NXPE1: variants seen among roughly 807,000 people sequenced by gnomAD.
NXPE1 encodes NXPE family member 1.
A neutral mutation model predicts 33.3 loss-of-function variants in NXPE1; 31 were observed. The observed-to-expected ratio is 0.93, with a 90% CI of 0.70 to 1.26. NXPE1 has a LOEUF of 1.26. Ranked by LOEUF, NXPE1 falls within the 50% of genes most tolerant of loss-of-function variation. NXPE1 has a pLI of 0.00. For missense variants in NXPE1, 661 were observed against 655.6 expected, an observed-to-expected ratio of 1.01 and a Z score of -0.09; for synonymous variants, 229 against 231.4, an observed-to-expected ratio of 0.99 and a Z score of 0.09.
At chr11:114,532,682 T>C (rs1243112835) in intron 5 of NXPE1, among the ~76,000 whole-genome samples, 1 of 152,160 alleles carries the variant, frequency 6.6e-6, no homozygotes, top group African/African-American at 2.4e-5. Context: ...TTCATGGAGA[T>C]GACTTTTAAA....
At chr11:114,557,422 T>G (rs1202748319) in intron 1 of NXPE1, among the ~76,000 whole-genome samples, 5 of 151,886 alleles carry the variant, frequency 3.3e-5, no homozygotes, top group African/African-American at 1.2e-4. Flanking sequence ...TTTCACATTT[T>G]CTTGCTATAG....
chr11:114,533,434 G>A (rs1206170587), intron 5 of NXPE1, among the ~76,000 whole-genome samples: 1 of 152,194 alleles, frequency 6.6e-6, no homozygotes, highest in Non-Finnish European at 1.5e-5. Context: ...GCCGGACAGT[G>A]GGTGCAGGAC....
intron 5 of NXPE1, among the ~76,000 whole-genome samples, chr11:114,531,988 C>A (rs1947602698): frequency 6.6e-6 from 1 of 152,122 alleles, no homozygotes. Context: ...ATTATGTTGT[C>A]CAGGAGTATG....
chr11:114,519,230 T>A (rs561119289), downstream of NXPE1, among the ~76,000 whole-genome samples: 126 of 152,288 alleles, frequency 8.3e-4, no homozygotes, highest in African/African-American at 2.9e-3. Context: ...TTCCCCCCGT[T>A]TGGCAAAAAG....
intron 5 of NXPE1, among the ~76,000 whole-genome samples, chr11:114,546,998 A>G (rs114654234): frequency 0.014 from 2,081 of 152,336 alleles, 51 homozygotes; most frequent in African/African-American, 0.048. Flanking sequence ...AAGGGATAAT[A>G]GACAAATCTC....
Position 114,543,064 on chromosome 11 carries a change from G to A in NXPE1, c.99+8039C>T, listed in dbSNP as rs143822209. Among the ~76,000 whole-genome samples, 834 of 152,240 alleles carry A rather than the reference G, an allele frequency of 5.5e-3. 11 individuals are homozygous for A. Among genetic ancestry groups the A allele is most frequent in the African/African-American group, 0.018 (758 of 41,552 alleles). On this transcript the variant is annotated intron_variant, in intron 5 of 8. Coordinates refer to ENST00000534921, the Ensembl canonical transcript of NXPE1. ...GAGGCCAGGAGTTTGAGACCAGCCT[G>A]GGCAAATATGGCAAGACTGTCTCTA...
At chr11:114,525,773 A>C (rs1322550812) in intron 7 of NXPE1, among the ~76,000 whole-genome samples, 1 of 152,122 alleles carries the variant, frequency 6.6e-6, no homozygotes, top group Non-Finnish European at 1.5e-5. Flanking sequence ...CCATTTAGTG[A>C]AGTGTATATT....
chr11:114,521,648 A>C lies in NXPE1; in HGVS notation c.*320T>G, dbSNP rs996760836. The C allele has an allele frequency of 4.5e-5, 11 of 243,632 alleles. No individual in the cohort carries two copies. In the Admixed American group the frequency reaches 4.6e-4, roughly 10 times the overall value. 15.1% of individuals were successfully genotyped at this position (243,632 alleles called of 1,614,324 possible). ...GCCTTTTCAATAGACAGAGCTAGGA[A>C]ATATCTATATTGGAAATAGAAAGCA... On this transcript the variant is annotated 3_prime_UTR_variant, in exon 9 of 9. Transcript: ENST00000534921.
chr11:114,536,058 A>G (rs1947809727), intron 5 of NXPE1, among the ~76,000 whole-genome samples: 2 of 152,226 alleles, frequency 1.3e-5, no homozygotes, highest in South Asian at 4.1e-4. Context: ...CAAATGTAAA[A>G]GAACAGAAAT....
intron 5 of NXPE1, among the ~76,000 whole-genome samples, chr11:114,532,809 G>A (rs1947634643): frequency 6.6e-6 from 1 of 152,062 alleles, no homozygotes; most frequent in African/African-American, 2.4e-5. Flanking sequence ...TTGATTATGG[G>A]TGAATTCAGG....
chr11:114,522,445 A>T, exon 9 of NXPE1: 2 of 1,613,130 alleles, frequency 1.2e-6, no homozygotes, highest in Non-Finnish European at 1.7e-6. Context: ...GTCTTTCTGC[A>T]TCCAGAAGCA....
In NXPE1 at chr11:114,530,042, A is replaced by G. The variant is rs1395260211; in HGVS notation, c.833+133T>C. On this transcript the variant is annotated intron_variant, in intron 6 of 8. Coordinates refer to ENST00000534921, the Ensembl canonical transcript of NXPE1. Reference sequence around the variant, plus strand: ...GCCTAGAGTGGTGAGTAGAGGCCCCAAGAAGACACCACATGTCTTACCTTG... The same window carrying G: ...GCCTAGAGTGGTGAGTAGAGGCCCCGAGAAGACACCACATGTCTTACCTTG... 1.7e-5 allele frequency: 16 copies of G among 925,090 alleles called. No homozygotes were observed. In the East Asian group the frequency reaches 3.2e-4, roughly 18 times the overall value. The allele number at this position is 925,090 out of a possible 1,614,324, so 57.3% of individuals were successfully genotyped here.
intron 4 of NXPE1, 79 bp downstream of exon 4, chr11:114,551,304 A>G (rs1386877068): frequency 2.2e-6 from 3 of 1,362,098 alleles, no homozygotes; most frequent in African/African-American, 1.5e-5. Context: ...TGCCTCCAAC[A>G]TTTTGTTCTC....
chr11:114,527,678 T>C (rs981754015), intron 7 of NXPE1, among the ~76,000 whole-genome samples, 162 bp downstream of exon 7: 16 of 152,216 alleles, frequency 1.1e-4, no homozygotes, highest in African/African-American at 3.6e-4. Flanking sequence ...ATAAACATTT[T>C]GAAATCATTT....
intron 5 of NXPE1, among the ~76,000 whole-genome samples, chr11:114,538,985 G>A (rs916218916): frequency 8.1e-5 from 12 of 148,892 alleles, no homozygotes; most frequent in Admixed American, 6.8e-5. Context: ...ACATGCACAC[G>A]TGTGTTTATT....
chr11:114,544,957 A>T (rs961468954), intron 5 of NXPE1, among the ~76,000 whole-genome samples: 8 of 152,182 alleles, frequency 5.3e-5, no homozygotes, highest in Non-Finnish European at 8.8e-5. Context: ...CTAAATATAT[A>T]AAAAAGACAC....
At chr11:114,522,990 C>T (rs554549274) in exon 8 of NXPE1, 14 of 1,613,702 alleles carry the variant, frequency 8.7e-6, no homozygotes, top group African/African-American at 6.7e-5. Flanking sequence ...TCTAACTGAA[C>T]CTGGTTGCAA....
chr11:114,519,802 A>G (rs1232024463), downstream of NXPE1, among the ~76,000 whole-genome samples: 1 of 152,154 alleles, frequency 6.6e-6, no homozygotes, highest in African/African-American at 2.4e-5. Flanking sequence ...TTTAAGGTAT[A>G]CAGTGTGATG....
chr11:114,540,688 T>C (rs141057664), intron 5 of NXPE1, among the ~76,000 whole-genome samples: 1 of 152,098 alleles, frequency 6.6e-6, no homozygotes, highest in Non-Finnish European at 1.5e-5. Context: ...ACCTGAAGGC[T>C]AAAGACAGTG....
Sources: gnomAD v4.1 joint callset for allele counts (sites outside exome capture counted in the v4.1 genomes callset) on GRCh38, gnomAD v4.1.1 for gene constraint, MANE v1.5 for transcripts, NCBI Gene and HGNC (gene_info 2026-07-23, HGNC 2026-07-21) for gene names.